The following ATOSA variants were observed in gnomAD, a reference collection of about 807,000 sequenced individuals.
ATOSA encodes the protein atos homolog A.
chr15:52,679,799 C>T, the ATOSA span, among the ~76,000 whole-genome samples: 3 of 110,846 alleles, frequency 2.7e-5, no homozygotes, highest in African/African-American at 7.0e-5. Flanking sequence ...CTCCTCCCCC[C>T]TCCCCCTCCT....
At chr15:52,708,177 T>G in the ATOSA span, among the ~76,000 whole-genome samples, 679 of 152,284 alleles carry the variant, frequency 4.5e-3, 7 homozygotes, top group East Asian at 0.017. Flanking sequence ...CAACCACACT[T>G]TCAGCATCTT....
the ATOSA span, among the ~76,000 whole-genome samples, chr15:52,665,664 T>G: frequency 6.6e-6 from 1 of 152,146 alleles, no homozygotes; most frequent in African/African-American, 2.4e-5. Flanking sequence ...GATAAGGAAA[T>G]ACACCAGGAT....
the ATOSA span, among the ~76,000 whole-genome samples, chr15:52,705,012 C>A: frequency 1.3e-5 from 2 of 152,080 alleles, no homozygotes; most frequent in Non-Finnish European, 2.9e-5. Flanking sequence ...GGGTATATAC[C>A]CAAAGGATTG....
chr15:52,636,832 G>C, the ATOSA span, among the ~76,000 whole-genome samples: 1 of 152,296 alleles, frequency 6.6e-6, no homozygotes, highest in African/African-American at 2.4e-5. Flanking sequence ...TGCATGTAGA[G>C]CTAGGTGTTC....
chr15:52,676,698 C>T, the ATOSA span, among the ~76,000 whole-genome samples: 3 of 152,252 alleles, frequency 2.0e-5, no homozygotes, highest in East Asian at 3.9e-4. Context: ...TATATCAGTA[C>T]GTAACTAAAC....
At chr15:52,611,089 G>A in the ATOSA span, 1 of 1,543,040 alleles carries the variant, frequency 6.5e-7, no homozygotes, top group Non-Finnish European at 8.7e-7. Context: ...AACCAAGGTG[G>A]CTGAATACGC....
the ATOSA span, among the ~76,000 whole-genome samples, chr15:52,618,202 C>T: frequency 5.8e-4 from 88 of 152,166 alleles, no homozygotes; most frequent in South Asian, 0.017. Context: ...CCACGTCTGG[C>T]TAATTTTTTT....
the ATOSA span, chr15:52,610,157 G>A: frequency 1.9e-6 from 3 of 1,613,952 alleles, no homozygotes; most frequent in Non-Finnish European, 2.5e-6. Context: ...GCTTCATTTG[G>A]GTTATGGTGC....
chr15:52,696,304 A>G, the ATOSA span, among the ~76,000 whole-genome samples: 1 of 152,032 alleles, frequency 6.6e-6, no homozygotes, highest in Non-Finnish European at 1.5e-5. Flanking sequence ...ACCCTGCAAT[A>G]TACACACCTG....
At chr15:52,654,575 C>A in the ATOSA span, among the ~76,000 whole-genome samples, 1 of 152,166 alleles carries the variant, frequency 6.6e-6, no homozygotes, top group African/African-American at 2.4e-5. Context: ...CCTTCCCCTG[C>A]TCCTCCGGAA....
chr15:52,640,373 C>T, the ATOSA span, among the ~76,000 whole-genome samples: 1 of 151,390 alleles, frequency 6.6e-6, no homozygotes, highest in Non-Finnish European at 1.5e-5. Context: ...CAAGAACAGC[C>T]TGGCCAACAT....
At chr15:52,677,309 T>C in the ATOSA span, among the ~76,000 whole-genome samples, 1 of 152,218 alleles carries the variant, frequency 6.6e-6, no homozygotes, top group Non-Finnish European at 1.5e-5. Context: ...CTCTCACTAC[T>C]AACCACTACT....
At chr15:52,668,131 T>C in the ATOSA span, among the ~76,000 whole-genome samples, 2 of 152,208 alleles carry the variant, frequency 1.3e-5, no homozygotes, top group African/African-American at 2.4e-5. Flanking sequence ...TGCAGTATTA[T>C]TCACAATAGC....
At chr15:52,608,890 G>C in the ATOSA span, 1 of 1,608,942 alleles carries the variant, frequency 6.2e-7, no homozygotes. Flanking sequence ...GGAATCATCA[G>C]ACTGAAGATT....
At chr15:52,584,387 C>T in the ATOSA span, among the ~76,000 whole-genome samples, 8 of 152,188 alleles carry the variant, frequency 5.3e-5, no homozygotes, top group Admixed American at 2.6e-4. Context: ...ATTGGCCCAC[C>T]TTGGCCTCCC....
chr15:52,680,467 A>T, the ATOSA span, among the ~76,000 whole-genome samples: 1 of 152,042 alleles, frequency 6.6e-6, no homozygotes, highest in African/African-American at 2.4e-5. Flanking sequence ...CTGTTTTAAA[A>T]TTTTTTTTAC....
At chr15:52,655,291 CACA>C in the ATOSA span, among the ~76,000 whole-genome samples, 3 of 152,066 alleles carry the variant, frequency 2.0e-5, no homozygotes, top group Admixed American at 6.6e-5. Flanking sequence ...ATTCAATAAC[CACA>C]ACGACAGCCT....
the ATOSA span, among the ~76,000 whole-genome samples, chr15:52,615,702 T>G: frequency 1.3e-5 from 2 of 152,176 alleles, no homozygotes; most frequent in Non-Finnish European, 2.9e-5. Context: ...GGAAGAAGCC[T>G]TGGGAGTAAA....
the ATOSA span, among the ~76,000 whole-genome samples, chr15:52,675,959 G>C: frequency 6.6e-6 from 1 of 151,900 alleles, no homozygotes; most frequent in Non-Finnish European, 1.5e-5. Flanking sequence ...GTTAAGTACG[G>C]TTATCTAATT....
Sources: gnomAD v4.1 joint callset for allele counts (sites outside exome capture counted in the v4.1 genomes callset) on GRCh38, gnomAD v4.1.1 for gene constraint, MANE v1.5 for transcripts, NCBI Gene and HGNC (gene_info 2026-07-23, HGNC 2026-07-21) for gene names.